SAMD3: variants seen among roughly 807,000 people sequenced by gnomAD.
SAMD3 encodes the protein sterile alpha motif domain-containing protein 3.
In SAMD3, 63 loss-of-function variants were observed where a neutral mutation model predicts 58.5. The observed-to-expected ratio is 1.08, with a 90% CI of 0.88 to 1.33. SAMD3 has a LOEUF of 1.33. Ranked by LOEUF, SAMD3 falls within the 40% of genes most tolerant of loss-of-function variation. SAMD3 has a pLI of 0.00. For missense variants in SAMD3, 604 were observed against 608.4 expected (o/e 0.99, Z 0.08); for synonymous variants, 220 against 210.3 (o/e 1.05, Z -0.40).
At chr6:130,352,153 T>G (rs1367657994) in intron 1 of SAMD3, among the ~76,000 whole-genome samples, 1 of 152,042 alleles carries the variant, frequency 6.6e-6, no homozygotes, top group Non-Finnish European at 1.5e-5. Context: ...ACATGGCACA[T>G]GTATGCATAT....
At chr6:130,267,289 A>G (rs146870235) in intron 2 of SAMD3, among the ~76,000 whole-genome samples, 5 of 152,296 alleles carry the variant, frequency 3.3e-5, no homozygotes, top group African/African-American at 1.2e-4. Context: ...AATAGGAGTT[A>G]TAGTAGTAAT....
At chr6:130,248,616 C>G (rs749096893) in intron 2 of SAMD3, among the ~76,000 whole-genome samples, 6 of 152,122 alleles carry the variant, frequency 3.9e-5, no homozygotes, top group Non-Finnish European at 5.9e-5. Flanking sequence ...CCCCTAGGTC[C>G]TTGCAAGGCC....
chr6:130,190,422 C>T (rs1172190303), intron 5 of SAMD3, among the ~76,000 whole-genome samples: 3 of 151,884 alleles, frequency 2.0e-5, no homozygotes, highest in Admixed American at 2.0e-4. Context: ...AGCGGCCATT[C>T]TAACAATGTT....
Position 130,154,820 on chromosome 6 carries a change from G to A in SAMD3, c.1023+5C>T, listed in dbSNP as rs756574134. ...TGTGTGTATATATATATAGAATAAA[G>A]ATACCTGATAAGGGCACTTCAAGAA... is the stretch of plus-strand genomic sequence containing the variant. On this transcript the variant is annotated splice_donor_5th_base_variant and intron_variant, in intron 9 of 11. Coordinates refer to ENST00000439090, the MANE Select transcript of SAMD3 (RefSeq NM_001017373.4). 4.0e-5 allele frequency: 63 copies of A among 1,579,836 alleles called. No individual in the cohort carries two copies. Among genetic ancestry groups the A allele is most frequent in the Non-Finnish European group, 1.2e-5 (14 of 1,155,322 alleles).
At chr6:130,210,859 A>C (rs1795482875) in intron 4 of SAMD3, among the ~76,000 whole-genome samples, 1 of 151,922 alleles carries the variant, frequency 6.6e-6, no homozygotes, top group South Asian at 2.1e-4. Flanking sequence ...GGTAGCTCAC[A>C]CCTGTAATCC....
At chr6:130,335,682 A>G (rs142815469) in intron 1 of SAMD3, among the ~76,000 whole-genome samples, 2,785 of 152,312 alleles carry the variant, frequency 0.018, 23 homozygotes, top group Non-Finnish European at 0.027. Flanking sequence ...CCAAAGGACT[A>G]TAAATCATGC....
chr6:130,251,310 A>G (rs187946510), intron 2 of SAMD3, among the ~76,000 whole-genome samples: 1 of 152,286 alleles, frequency 6.6e-6, no homozygotes, highest in Non-Finnish European at 1.5e-5. Flanking sequence ...AGAGTTATTT[A>G]TACATTCTTG....
chr6:130,296,927 C>A (rs964658088), intron 2 of SAMD3, among the ~76,000 whole-genome samples: 2 of 152,162 alleles, frequency 1.3e-5, no homozygotes, highest in Non-Finnish European at 2.9e-5. Context: ...AGTTGGTACA[C>A]ACCCCAGCCC....
At chr6:130,332,477 G>A (rs1207558129) in intron 1 of SAMD3, among the ~76,000 whole-genome samples, 2 of 152,148 alleles carry the variant, frequency 1.3e-5, no homozygotes, top group Non-Finnish European at 2.9e-5. Flanking sequence ...GTCAGAAGTG[G>A]GACTGAAGAA....
At chr6:130,310,079 A>T (rs1776092297) in intron 2 of SAMD3, among the ~76,000 whole-genome samples, 1 of 152,232 alleles carries the variant, frequency 6.6e-6, no homozygotes, top group Non-Finnish European at 1.5e-5. Context: ...TAGAAAAATA[A>T]AAGAAGAATC....
intron 2 of SAMD3, among the ~76,000 whole-genome samples, chr6:130,289,986 T>C (rs1775310167): frequency 6.6e-6 from 1 of 152,158 alleles, no homozygotes; most frequent in African/African-American, 2.4e-5. Flanking sequence ...TTGGATAATC[T>C]GCCTTCTGTT....
At chr6:130,179,872 G>A (rs912857861) in intron 7 of SAMD3, among the ~76,000 whole-genome samples, 5 of 137,180 alleles carry the variant, frequency 3.6e-5, no homozygotes, top group Admixed American at 3.3e-4. Flanking sequence ...AGAGTACGAC[G>A]ACACTGATCT....
chr6:130,269,914 CT>C (rs1027987953), intron 2 of SAMD3, among the ~76,000 whole-genome samples: 14 of 151,830 alleles, frequency 9.2e-5, no homozygotes, highest in African/African-American at 3.4e-4. Flanking sequence ...ATTGTCATTC[CT>C]TTTTTGATCC....
In SAMD3 at chr6:130,232,481, T is replaced by C. The variant is rs550518037; in HGVS notation, c.-187-9668A>G. Among the ~76,000 whole-genome samples, 7 of 152,320 alleles carry C rather than the reference T, an allele frequency of 4.6e-5. No homozygotes were observed. The South Asian group carries it at 1.5e-3, about 32-fold the overall frequency. On this transcript the variant is annotated intron_variant, in intron 2 of 13. Coordinates refer to the SAMD3 transcript ENST00000368134. ...CCCAAGATCTGTCAGGATCCACTTC[T>C]TGAAAAACCAAAATTAAGAGTGCTA...
rs151093913 is a variant in SAMD3 at position 130,190,938 on chromosome 6, T to C, written c.384-6315A>G. On this transcript the variant is annotated intron_variant, in intron 5 of 11. Coordinates refer to ENST00000439090, the MANE Select transcript of SAMD3 (RefSeq NM_001017373.4). Reference sequence around the variant, plus strand: ...AATCATGTCCAATTTCAAACACTATTTCTGGTACTGAAACACCACTGGGAA... The same window carrying C: ...AATCATGTCCAATTTCAAACACTATCTCTGGTACTGAAACACCACTGGGAA... Among the ~76,000 whole-genome samples, 448 of 152,108 alleles carry C rather than the reference T, an allele frequency of 2.9e-3. 1 individual carries two copies. Among genetic ancestry groups the C allele is most frequent in the African/African-American group, 0.01 (424 of 41,492 alleles).
chr6:130,326,366 C>CCTTTT (rs1444494681), intron 1 of SAMD3, among the ~76,000 whole-genome samples: 4 of 113,266 alleles, frequency 3.5e-5, no homozygotes, highest in African/African-American at 1.5e-4. Flanking sequence ...AATGCCTGGT[C>CCTTTT]ATTTTTTTTT....
chr6:130,337,222 T>A (rs751106602), intron 1 of SAMD3, among the ~76,000 whole-genome samples: 5 of 152,060 alleles, frequency 3.3e-5, no homozygotes, highest in African/African-American at 2.4e-5. Flanking sequence ...GTGAGTGAGT[T>A]CTCATGAGAT....
intron 2 of SAMD3, among the ~76,000 whole-genome samples, chr6:130,273,313 C>T (rs1457481227): frequency 5.3e-5 from 8 of 152,016 alleles, no homozygotes; most frequent in African/African-American, 1.7e-4. Flanking sequence ...GTATAGTCAC[C>T]TCTGCTCTCA....
chr6:130,260,841 G>C (rs767044674), intron 2 of SAMD3, among the ~76,000 whole-genome samples: 16 of 152,248 alleles, frequency 1.1e-4, no homozygotes, highest in Non-Finnish European at 1.6e-4. Flanking sequence ...CACCGGGAAG[G>C]AACTGGTACT....
Sources: allele counts gnomAD v4.1 joint callset (sites outside exome capture counted in the v4.1 genomes callset), GRCh38; gene constraint gnomAD v4.1.1; transcripts MANE v1.5; gene names NCBI Gene and HGNC (gene_info 2026-07-23, HGNC 2026-07-21).